The following GALNTL6 variants were observed in gnomAD, a reference collection of about 807,000 sequenced individuals.
GALNTL6 encodes the protein polypeptide N-acetylgalactosaminyltransferase like 6.
A neutral mutation model predicts 73.7 loss-of-function variants in GALNTL6; 46 were observed. The ratio of observed to expected loss-of-function variants is 0.62; its 90% confidence interval spans 0.49 to 0.80. The LOEUF is 0.80. Ranked by LOEUF, GALNTL6 falls within the 30% of genes least tolerant of loss-of-function variation. The pLI, the probability that GALNTL6 is intolerant of heterozygous loss-of-function variation, is 0.00. For synonymous variants in GALNTL6, 259 were observed against 263.7 expected, an observed-to-expected ratio of 0.98 and a Z score of 0.17; for missense variants, 604 against 755.0, an observed-to-expected ratio of 0.80 and a Z score of 2.34.
At chr4:172,463,673 A>G (rs962452577) in intron 5 of GALNTL6, among the ~76,000 whole-genome samples, 1 of 152,190 alleles carries the variant, frequency 6.6e-6, no homozygotes, top group African/African-American at 2.4e-5. Flanking sequence ...ATTAATAACA[A>G]TGTGATGAGG....
chr4:172,584,577 A>T (rs1281889722), intron 5 of GALNTL6, among the ~76,000 whole-genome samples: 1 of 152,210 alleles, frequency 6.6e-6, no homozygotes, highest in Non-Finnish European at 1.5e-5. Flanking sequence ...CGTTGTGATT[A>T]AATGGACATG....
intron 5 of GALNTL6, among the ~76,000 whole-genome samples, chr4:172,402,602 T>C (rs1744081469): frequency 6.6e-6 from 1 of 151,988 alleles, no homozygotes; most frequent in African/African-American, 2.4e-5. Context: ...CCACCAGAAA[T>C]AGAAAGGATT....
intron 2 of GALNTL6, among the ~76,000 whole-genome samples, chr4:172,029,643 T>C (rs1741705526): frequency 6.6e-6 from 1 of 152,134 alleles, no homozygotes; most frequent in African/African-American, 2.4e-5. Context: ...GTTTGGTTTT[T>C]ACTTCTGTAA....
chr4:172,774,774 A>G (rs1244760137), intron 5 of GALNTL6, among the ~76,000 whole-genome samples: 1 of 152,120 alleles, frequency 6.6e-6, no homozygotes, highest in Non-Finnish European at 1.5e-5. Context: ...AGCCTGGGCA[A>G]CACGGTGAAA....
At chr4:173,022,086 G>A (rs62341922) in intron 12 of GALNTL6, among the ~76,000 whole-genome samples, 140 of 56,820 alleles carry the variant, frequency 2.5e-3, no homozygotes, top group African/African-American at 5.2e-3. Context: ...AAGGAAGGAA[G>A]GAAAGAAGGA....
intron 2 of GALNTL6, among the ~76,000 whole-genome samples, chr4:172,185,255 C>T (rs1477982787): frequency 6.6e-6 from 1 of 152,104 alleles, no homozygotes; most frequent in Non-Finnish European, 1.5e-5. Context: ...GACTTTTGTA[C>T]ATGAAAAACA....
chr4:172,118,547 A>G (rs972752295), intron 2 of GALNTL6, among the ~76,000 whole-genome samples: 94 of 152,160 alleles, frequency 6.2e-4, no homozygotes, highest in African/African-American at 2.1e-3. Context: ...TAAAAATACA[A>G]AAATTAGTTG....
At chr4:172,737,311 T>TTTTTTCC (rs1202776998) in intron 5 of GALNTL6, among the ~76,000 whole-genome samples, 1 of 152,136 alleles carries the variant, frequency 6.6e-6, no homozygotes, top group Non-Finnish European at 1.5e-5. Flanking sequence ...TTCATTCTTT[T>TTTTTTCC]TTTTTCCTTT....
intron 2 of GALNTL6, among the ~76,000 whole-genome samples, chr4:171,859,406 C>T (rs1157627452): frequency 6.6e-6 from 1 of 152,044 alleles, no homozygotes; most frequent in Non-Finnish European, 1.5e-5. Context: ...CCATGACTAA[C>T]CTGAGGTGTC....
chr4:171,921,219 A>G (rs1234884802), intron 2 of GALNTL6, among the ~76,000 whole-genome samples: 1 of 152,124 alleles, frequency 6.6e-6, no homozygotes, highest in Non-Finnish European at 1.5e-5. Context: ...CGGAGCAGAA[A>G]AGAATTACTA....
Position 172,817,110 on chromosome 4 carries a change from A to T in GALNTL6, c.923+3387A>T, listed in dbSNP as rs1263020462. On this transcript the variant is annotated intron_variant, in intron 7 of 12. Transcript: ENST00000506823. The stretch of plus-strand genomic sequence containing the variant: ...GAAACAGCCAGACTCCGTCTCCAAA[A>T]AAAAAAAAAAAAAGAAAGGAAGAAA... Among the ~76,000 whole-genome samples, 5 of 146,920 alleles carry T rather than the reference A, an allele frequency of 3.4e-5. No homozygotes were observed. The South Asian group carries it at 1.0e-3, about 31-fold the overall frequency.
At chr4:172,494,461 G>T (rs550108548) in intron 5 of GALNTL6, among the ~76,000 whole-genome samples, 2 of 152,130 alleles carry the variant, frequency 1.3e-5, no homozygotes, top group African/African-American at 4.8e-5. Flanking sequence ...ATTGGTCAGG[G>T]TTCTGCAGAG....
chr4:172,951,836 T>C (rs1340240857), intron 9 of GALNTL6, among the ~76,000 whole-genome samples: 2 of 152,222 alleles, frequency 1.3e-5, no homozygotes, highest in African/African-American at 2.4e-5. Flanking sequence ...ATGCCAGAAG[T>C]AGAAATGTGT....
At chr4:172,535,750 A>G (rs888972898) in intron 5 of GALNTL6, among the ~76,000 whole-genome samples, 62 of 152,222 alleles carry the variant, frequency 4.1e-4, no homozygotes, top group Non-Finnish European at 1.9e-4. Context: ...GCTCAAGGAG[A>G]AATTCACAGA....
At chr4:172,482,637 A>C (rs1221974562) in intron 5 of GALNTL6, among the ~76,000 whole-genome samples, 1 of 152,124 alleles carries the variant, frequency 6.6e-6, no homozygotes, top group Non-Finnish European at 1.5e-5. Context: ...AATACACTAG[A>C]CTCTCAACAT....
chr4:172,753,095 G>T (rs1737525530), intron 5 of GALNTL6, among the ~76,000 whole-genome samples: 1 of 152,158 alleles, frequency 6.6e-6, no homozygotes, highest in Non-Finnish European at 1.5e-5. Flanking sequence ...CATGTATCAA[G>T]GGCAGGGCCA....
intron 8 of GALNTL6, among the ~76,000 whole-genome samples, chr4:172,891,713 T>C (rs1268113978): frequency 6.6e-6 from 1 of 152,208 alleles, no homozygotes. Flanking sequence ...TTTTATAGAT[T>C]ATATTCTCAA....
At chr4:172,533,481 C>T (rs935102092) in intron 5 of GALNTL6, among the ~76,000 whole-genome samples, 2 of 151,646 alleles carry the variant, frequency 1.3e-5, no homozygotes, top group Admixed American at 6.6e-5. Flanking sequence ...AACGCCACCA[C>T]GCCTGGCTAA....
At chr4:172,426,768 T>C (rs1043713243) in intron 5 of GALNTL6, among the ~76,000 whole-genome samples, 2 of 152,148 alleles carry the variant, frequency 1.3e-5, no homozygotes, top group Non-Finnish European at 1.5e-5. Flanking sequence ...TGGATTTTCC[T>C]CTAGTAAAAA....
Sources: allele counts gnomAD v4.1 joint callset (sites outside exome capture counted in the v4.1 genomes callset), GRCh38; gene constraint gnomAD v4.1.1; transcripts MANE v1.5; gene names NCBI Gene and HGNC (gene_info 2026-07-23, HGNC 2026-07-21).